The following OLFM3 variants were observed in gnomAD, a reference collection of about 807,000 sequenced individuals.
OLFM3 encodes olfactomedin 3, also known as noelin-3.
In OLFM3, 20 loss-of-function variants were observed where a neutral mutation model predicts 48.6. That is an observed-to-expected ratio of 0.41 (90% CI 0.29 to 0.60). The LOEUF is 0.60. OLFM3 is among the 20% of genes least tolerant of loss of function. The pLI is 0.28. For missense variants in OLFM3, 437 were observed against 544.3 expected (o/e 0.80, Z 1.96); for synonymous variants, 222 against 198.1 (o/e 1.12, Z -1.01).
intron 1 of OLFM3, among the ~76,000 whole-genome samples, chr1:101,986,511 G>T (rs1661247057): frequency 6.6e-6 from 1 of 152,008 alleles, no homozygotes; most frequent in African/African-American, 2.4e-5. Context: ...TTTAGTATAT[G>T]ATTTTCTCTG....
chr1:101,835,216 A>T (rs1354411880), intron 2 of OLFM3, among the ~76,000 whole-genome samples: 1 of 152,266 alleles, frequency 6.6e-6, no homozygotes, highest in Non-Finnish European at 1.5e-5. Flanking sequence ...GCAAAATTGG[A>T]TGTAAAAGAT....
At chr1:101,938,310 C>T (rs888566524) in intron 1 of OLFM3, among the ~76,000 whole-genome samples, 1 of 152,138 alleles carries the variant, frequency 6.6e-6, no homozygotes, top group Non-Finnish European at 1.5e-5. Context: ...CAATCCATGA[C>T]CTGAAACACC....
intron 1 of OLFM3, among the ~76,000 whole-genome samples, chr1:101,974,086 G>A (rs1660883295): frequency 6.7e-6 from 1 of 150,218 alleles, no homozygotes; most frequent in Non-Finnish European, 1.5e-5. Context: ...CTCTCCAGTA[G>A]TTAGCTTTTC....
chr1:101,819,345 G>C (rs1327681075), intron 4 of OLFM3, among the ~76,000 whole-genome samples: 1 of 152,118 alleles, frequency 6.6e-6, no homozygotes, highest in African/African-American at 2.4e-5. Flanking sequence ...GCATGCAAAG[G>C]TGTTTGGATT....
chr1:101,870,443 G>A (rs976568477), intron 1 of OLFM3, among the ~76,000 whole-genome samples: 3 of 152,104 alleles, frequency 2.0e-5, no homozygotes, highest in African/African-American at 7.2e-5. Flanking sequence ...CCTTGAATTA[G>A]CTAAAGACAA....
intron 1 of OLFM3, among the ~76,000 whole-genome samples, chr1:101,869,341 G>A (rs572377770): frequency 6.6e-6 from 1 of 152,284 alleles, no homozygotes; most frequent in African/African-American, 2.4e-5. Flanking sequence ...GCAGTCAAAG[G>A]TGATCATTTT....
At chr1:101,831,640 C>A (rs1369118657) in intron 2 of OLFM3, among the ~76,000 whole-genome samples, 1 of 152,080 alleles carries the variant, frequency 6.6e-6, no homozygotes, top group Non-Finnish European at 1.5e-5. Flanking sequence ...ATATGAATGA[C>A]CCGTTATAAA....
rs371573196 is a variant in OLFM3 at position 101,875,012 on chromosome 1, C to T, written c.70-37987G>A. Among the ~76,000 whole-genome samples, 3 of 152,048 alleles carry T rather than the reference C, an allele frequency of 2.0e-5. 1 individual carries two copies. Among genetic ancestry groups the T allele is most frequent in the African/African-American group, 7.2e-5 (3 of 41,522 alleles). ...TGACTATGAATCCTCTCATAACTAACAATTTCATTAAGTAGAATTATTTCT... is the reference window on the plus strand; with the variant it reads ...TGACTATGAATCCTCTCATAACTAATAATTTCATTAAGTAGAATTATTTCT... On this transcript the variant is annotated intron_variant, in intron 1 of 5. Coordinates refer to ENST00000370103, the MANE Select transcript of OLFM3 (RefSeq NM_058170.4).
intron 4 of OLFM3, among the ~76,000 whole-genome samples, chr1:101,810,350 T>C (rs1391637558): frequency 6.6e-6 from 1 of 151,984 alleles, no homozygotes; most frequent in Non-Finnish European, 1.5e-5. Context: ...AAAAAGCATG[T>C]TAATATAAAT....
intron 1 of OLFM3, among the ~76,000 whole-genome samples, chr1:101,952,635 C>T (rs1660177844): frequency 6.6e-6 from 1 of 151,744 alleles, no homozygotes; most frequent in African/African-American, 2.4e-5. Flanking sequence ...AATCTTTTTT[C>T]TAAAAATATT....
intron 1 of OLFM3, among the ~76,000 whole-genome samples, chr1:101,963,788 C>G (rs1660533053): frequency 6.6e-6 from 1 of 152,024 alleles, no homozygotes; most frequent in African/African-American, 2.4e-5. Flanking sequence ...GGAAATCTAC[C>G]CCATTATCTG....
chr1:101,811,277 A>T (rs1472224615), intron 4 of OLFM3, among the ~76,000 whole-genome samples: 1 of 152,106 alleles, frequency 6.6e-6, no homozygotes, highest in Non-Finnish European at 1.5e-5. Flanking sequence ...GTCCAAGTGA[A>T]TACAGATTTT....
intron 1 of OLFM3, among the ~76,000 whole-genome samples, chr1:101,850,110 C>T (rs1223113061): frequency 1.3e-5 from 2 of 150,990 alleles, no homozygotes; most frequent in Non-Finnish European, 2.9e-5. Flanking sequence ...AAACTATAAA[C>T]TTAATTACTT....
chr1:101,920,739 T>C (rs1383248245), intron 1 of OLFM3, among the ~76,000 whole-genome samples: 1 of 152,206 alleles, frequency 6.6e-6, no homozygotes, highest in Non-Finnish European at 1.5e-5. Flanking sequence ...GTATCAGCTG[T>C]CCTCAGAGTT....
At chr1:101,812,640 A>G (rs1484323968) in intron 4 of OLFM3, 9 of 985,538 alleles carry the variant, frequency 9.1e-6, no homozygotes, top group Non-Finnish European at 1.1e-5. Flanking sequence ...TTTGGCTTCG[A>G]TGGTGCTTGA....
intron 4 of OLFM3, among the ~76,000 whole-genome samples, chr1:101,811,423 T>G (rs1272518223): frequency 6.6e-6 from 1 of 151,852 alleles, no homozygotes; most frequent in African/African-American, 2.4e-5. Context: ...TGAGAGAAAA[T>G]TTTTGCAATC....
At chr1:101,938,648 A>G (rs891476957) in intron 1 of OLFM3, among the ~76,000 whole-genome samples, 1 of 152,192 alleles carries the variant, frequency 6.6e-6, no homozygotes, top group Admixed American at 6.5e-5. Context: ...ACTTGTGTTA[A>G]AAGTTATTGG....
chr1:101,824,339 T>G (rs1014132632), intron 4 of OLFM3, among the ~76,000 whole-genome samples: 5 of 152,154 alleles, frequency 3.3e-5, no homozygotes, highest in Non-Finnish European at 5.9e-5. Context: ...CATGTTGACT[T>G]CAGTTAAATA....
intron 1 of OLFM3, among the ~76,000 whole-genome samples, chr1:101,920,620 G>A (rs1041052831): frequency 2.6e-5 from 4 of 152,148 alleles, no homozygotes; most frequent in African/African-American, 9.7e-5. Flanking sequence ...GAATTTATAG[G>A]CTGAACAACA....
Sources: gnomAD v4.1 joint callset for allele counts (sites outside exome capture counted in the v4.1 genomes callset) on GRCh38, gnomAD v4.1.1 for gene constraint, MANE v1.5 for transcripts, NCBI Gene and HGNC (gene_info 2026-07-23, HGNC 2026-07-21) for gene names.